Variants in ESRRG observed in about 807,000 individuals in gnomAD.
ESRRG encodes the protein estrogen-related receptor gamma.
ESRRG carries 13 observed loss-of-function variants against 44.0 expected under a neutral mutation model. The ratio of observed to expected loss-of-function variants is 0.30; its 90% confidence interval spans 0.19 to 0.47. ESRRG has a LOEUF of 0.47. ESRRG is among the 20% of genes least tolerant of loss of function. The pLI is 1.00. For missense variants in ESRRG, 395 were observed against 580.6 expected (o/e 0.68, Z 3.29); for synonymous variants, 215 against 214.6 (o/e 1.00, Z -0.02).
At chr1:216,699,655 C>G (rs1301386574) in intron 1 of ESRRG, among the ~76,000 whole-genome samples, 1 of 150,380 alleles carries the variant, frequency 6.6e-6, no homozygotes, top group African/African-American at 2.5e-5. Flanking sequence ...ACTTGTTACA[C>G]TGAAAAAAAA....
chr1:216,666,286 C>A (rs928771836), intron 2 of ESRRG, among the ~76,000 whole-genome samples: 3 of 152,202 alleles, frequency 2.0e-5, no homozygotes, highest in African/African-American at 7.2e-5. Context: ...AGTGAACATT[C>A]TAATATACCC....
intron 1 of ESRRG, among the ~76,000 whole-genome samples, chr1:217,133,648 T>TCTCTCTCTCTCTCTTTCTTTCC (rs2093002981): frequency 6.7e-5 from 4 of 60,132 alleles, no homozygotes; most frequent in Non-Finnish European, 9.9e-5. Context: ...TCTCTCTCTC[T>TCTCTCTCTCTCTCTTTCTTTCC]TTCTTTCTTT....
chr1:216,847,283 A>C (rs2095766694), intron 2 of ESRRG, among the ~76,000 whole-genome samples: 1 of 152,138 alleles, frequency 6.6e-6, no homozygotes, highest in African/African-American at 2.4e-5. Flanking sequence ...TTACACTATA[A>C]ATCTGCTCTA....
At chr1:216,581,370 A>G (rs2062730687) in intron 3 of ESRRG, among the ~76,000 whole-genome samples, 1 of 152,198 alleles carries the variant, frequency 6.6e-6, no homozygotes, top group South Asian at 2.1e-4. Flanking sequence ...ATATCCACAC[A>G]CAGGGGTACA....
At chr1:216,935,818 T>G (rs1161607994) in intron 2 of ESRRG, among the ~76,000 whole-genome samples, 1 of 152,098 alleles carries the variant, frequency 6.6e-6, no homozygotes, top group African/African-American at 2.4e-5. Flanking sequence ...GGTTTCACCA[T>G]GTTGGCCAGG....
intron 3 of ESRRG, among the ~76,000 whole-genome samples, chr1:216,571,093 T>A (rs961280845): frequency 2.0e-5 from 3 of 152,110 alleles, no homozygotes; most frequent in African/African-American, 7.2e-5. Context: ...TTTAGCCAAC[T>A]GGGCTAAGTC....
chr1:216,985,495 C>T (rs538115719), intron 1 of ESRRG, among the ~76,000 whole-genome samples: 1 of 152,160 alleles, frequency 6.6e-6, no homozygotes, highest in Non-Finnish European at 1.5e-5. Flanking sequence ...TCTCCCTGTG[C>T]TGGACTAATC....
At chr1:216,961,307 CA>C (rs1370414501) in intron 1 of ESRRG, among the ~76,000 whole-genome samples, 1 of 152,102 alleles carries the variant, frequency 6.6e-6, no homozygotes, top group African/African-American at 2.4e-5. Flanking sequence ...GACAATATAA[CA>C]GAATATCTTT....
At chr1:216,546,736 T>C (rs1296973398) in intron 5 of ESRRG, among the ~76,000 whole-genome samples, 1 of 151,956 alleles carries the variant, frequency 6.6e-6, no homozygotes. Context: ...CATTAGTAAT[T>C]TGGTTTAGCA....
chr1:217,042,607 C>A (rs1395639923), intron 1 of ESRRG, among the ~76,000 whole-genome samples: 2 of 152,026 alleles, frequency 1.3e-5, no homozygotes, highest in African/African-American at 4.8e-5. Flanking sequence ...CCTGCCCTTG[C>A]CCCACAGGCC....
chr1:216,520,433 C>T (rs1006326090), intron 5 of ESRRG, among the ~76,000 whole-genome samples: 1 of 151,932 alleles, frequency 6.6e-6, no homozygotes, highest in Non-Finnish European at 1.5e-5. Context: ...TCCCTCTGAG[C>T]TTGAGAAAAC....
At chr1:216,636,661 C>G (rs187242987) in intron 3 of ESRRG, among the ~76,000 whole-genome samples, 7 of 152,274 alleles carry the variant, frequency 4.6e-5, no homozygotes. Context: ...GATTCTAGAA[C>G]TGCAAGTTAA....
chr1:216,939,376 T>C lies in ESRRG; in HGVS notation c.-14+206A>G, dbSNP rs1343132746. ...AAAAAAAAAAAAAAAAAAAACACTT[T>C]AAAGGCATTTAAAATGATGTTTTTA... On this transcript the variant is annotated intron_variant, in intron 2 of 7. Coordinates refer to the ESRRG transcript ENST00000359162. Among the ~76,000 whole-genome samples the C allele has an allele frequency of 1.1e-4, 8 of 74,024 alleles. 1 individual carries two copies. The East Asian group carries it at 3.6e-3, about 33-fold the overall frequency. 48.6% of individuals were successfully genotyped at this position (74,024 alleles called of 152,430 possible). A position where few individuals can be genotyped will look rare whatever the true frequency, so the allele number is the denominator to read the frequency against.
chr1:217,031,878 C>T (rs191783468), intron 1 of ESRRG, among the ~76,000 whole-genome samples: 4 of 152,294 alleles, frequency 2.6e-5, no homozygotes, highest in Non-Finnish European at 4.4e-5. Context: ...TTTCCTGAAG[C>T]CCCCCAAGCC....
chr1:216,968,616 C>A (rs1355829812), intron 1 of ESRRG, among the ~76,000 whole-genome samples: 1 of 151,824 alleles, frequency 6.6e-6, no homozygotes, highest in East Asian at 1.9e-4. Flanking sequence ...TTGCCAATAC[C>A]ACACTGTCTT....
chr1:216,989,774 A>T (rs982784220), intron 1 of ESRRG, among the ~76,000 whole-genome samples: 8 of 152,048 alleles, frequency 5.3e-5, no homozygotes, highest in Admixed American at 2.0e-4. Context: ...ATGGGCTTCT[A>T]CCTATGGCTT....
chr1:217,024,389 C>T (rs2080870727), intron 1 of ESRRG, among the ~76,000 whole-genome samples: 1 of 151,438 alleles, frequency 6.6e-6, no homozygotes, highest in African/African-American at 2.4e-5. Context: ...CACTGAATAA[C>T]TTCAGGCTAG....
intron 1 of ESRRG, among the ~76,000 whole-genome samples, chr1:216,717,322 T>C (rs961949519): frequency 2.0e-5 from 3 of 151,848 alleles, no homozygotes; most frequent in Non-Finnish European, 4.4e-5. Flanking sequence ...TGGAGAGATG[T>C]GTGTGCTAAA....
chr1:216,782,557 T>C (rs1380583154), intron 2 of ESRRG, among the ~76,000 whole-genome samples: 4 of 152,112 alleles, frequency 2.6e-5, no homozygotes. Context: ...CTTTTAGCTT[T>C]CTTTTCTTTT....
Sources: gnomAD v4.1 joint callset for allele counts (sites outside exome capture counted in the v4.1 genomes callset) on GRCh38, gnomAD v4.1.1 for gene constraint, MANE v1.5 for transcripts, NCBI Gene and HGNC (gene_info 2026-07-23, HGNC 2026-07-21) for gene names.